The following TENM4 variants were observed in gnomAD, a reference collection of about 807,000 sequenced individuals.
TENM4 encodes teneurin-4.
A neutral mutation model predicts 243.3 loss-of-function variants in TENM4; 82 were observed. That is an observed-to-expected ratio of 0.34 (90% CI 0.28 to 0.40). The LOEUF (loss-of-function observed/expected upper bound fraction) is 0.40. Ranked by LOEUF, TENM4 falls within the 10% of genes least tolerant of loss-of-function variation. The probability of loss-of-function intolerance (pLI) is 1.00; values close to 1 mark genes in which losing one functional copy is unlikely to be tolerated. For missense variants in TENM4, 3,138 were observed against 3,673.3 expected, an observed-to-expected ratio of 0.85 and a Z score of 3.77; for synonymous variants, 1,412 against 1,456.3, an observed-to-expected ratio of 0.97 and a Z score of 0.69.
chr11:79,230,535 C>T (rs1347637233), intron 2 of TENM4, among the ~76,000 whole-genome samples: 1 of 152,174 alleles, frequency 6.6e-6, no homozygotes, highest in African/African-American at 2.4e-5. Context: ...AGCTTGGGAA[C>T]CATGGACAAC....
chr11:79,015,070 A>T (rs937773881), intron 6 of TENM4, among the ~76,000 whole-genome samples: 3 of 152,076 alleles, frequency 2.0e-5, no homozygotes, highest in African/African-American at 7.2e-5. Context: ...TAAATATCTC[A>T]TTAGGCCATT....
chr11:79,033,357 G>GA (rs1859295053), intron 6 of TENM4, among the ~76,000 whole-genome samples: 2 of 152,166 alleles, frequency 1.3e-5, no homozygotes, highest in African/African-American at 4.8e-5. Context: ...TGCTGGGAAG[G>GA]AAGAATTAAG....
rs1856662872 is a variant in TENM4 at position 78,772,387 on chromosome 11, A to G, written c.2393-1249T>C. 2.0e-5 allele frequency among the ~76,000 whole-genome samples: 3 copies of G among 152,112 alleles called. No individual in the cohort carries two copies. In the South Asian group the frequency reaches 6.2e-4, roughly 32 times the overall value. ...CTTCTCCAAGGGGCTATCAAAAACC[A>G]CCTGTCACTGGCAAGAGTTCCATCT... On this transcript the variant is annotated intron_variant, in intron 17 of 33. Transcript: ENST00000278550.
chr11:78,841,870 C>A (rs755542541), intron 12 of TENM4, among the ~76,000 whole-genome samples: 1 of 152,134 alleles, frequency 6.6e-6, no homozygotes, highest in Non-Finnish European at 1.5e-5. Context: ...GAAACTGCTC[C>A]CAATGAGGGC....
rs1249954273 is a variant in TENM4, at chr11:78,661,482, T to C, written c.7518A>G (p.Thr2506=). The change falls in exon 33 of 34, where the codon ACA becomes ACG. Residue 2506 remains threonine (T), a synonymous_variant. Transcript: ENST00000278550. ...TGTCCCACTCCTGCGTTTTCATCTG[T>C]GTGTGGATGAGCTCGTAGGAGGGTT... ...AMEPSYELIH[T]QMKTQEWDNS... 1 of 1,611,222 alleles carries C rather than the reference T, an allele frequency of 6.2e-7. No individual in the cohort carries two copies. Among genetic ancestry groups the C allele is most frequent in the Admixed American group, 1.7e-5 (1 of 59,682 alleles).
At chr11:78,770,835 T>G (rs549566164) in intron 18 of TENM4, among the ~76,000 whole-genome samples, 157 bp downstream of exon 18, 1 of 152,242 alleles carries the variant, frequency 6.6e-6, no homozygotes, top group Non-Finnish European at 1.5e-5. Flanking sequence ...TATGCACTCA[T>G]CCCTAAGCCA....
At chr11:78,922,873 T>C (rs536246537) in intron 6 of TENM4, among the ~76,000 whole-genome samples, 1 of 152,294 alleles carries the variant, frequency 6.6e-6, no homozygotes, top group South Asian at 2.1e-4. Flanking sequence ...GTGAGATGTA[T>C]GATGCTAGCC....
chr11:78,716,618 C>A (rs1859526709), intron 25 of TENM4, among the ~76,000 whole-genome samples: 1 of 152,172 alleles, frequency 6.6e-6, no homozygotes, highest in South Asian at 2.1e-4. Flanking sequence ...ATCAGAATGG[C>A]CTGGAGAGAT....
At chr11:79,218,169 T>A (rs1019587631) in intron 2 of TENM4, among the ~76,000 whole-genome samples, 1 of 152,174 alleles carries the variant, frequency 6.6e-6, no homozygotes, top group South Asian at 2.1e-4. Flanking sequence ...AAATAGGCAA[T>A]AATGGCTATT....
At chr11:79,306,214 C>G (rs571649906) in intron 1 of TENM4, among the ~76,000 whole-genome samples, 1 of 152,286 alleles carries the variant, frequency 6.6e-6, no homozygotes, top group African/African-American at 2.4e-5. Flanking sequence ...GGCACACGAG[C>G]TTTATGGTAA....
chr11:79,321,640 CAAAA>C (rs60886884), intron 1 of TENM4, among the ~76,000 whole-genome samples: 62 of 82,224 alleles, frequency 7.5e-4, no homozygotes, highest in African/African-American at 2.2e-3. Flanking sequence ...AGGAAATTAC[CAAAA>C]AAAAAAAAAA....
intron 3 of TENM4, among the ~76,000 whole-genome samples, chr11:79,187,030 A>G (rs1405508333): frequency 6.6e-6 from 1 of 152,236 alleles, no homozygotes; most frequent in Non-Finnish European, 1.5e-5. Context: ...AGATATTTGG[A>G]CATCCTCCTT....
Position 79,440,143 on chromosome 11 carries a change from G to A in TENM4, c.-321+366C>T, listed in dbSNP as rs1859370078. Among the ~76,000 whole-genome samples the A allele has an allele frequency of 6.6e-6, 1 of 152,126 alleles. No individual in the cohort carries two copies. The highest frequency in any genetic ancestry group is 6.5e-5 in the Admixed American group (1 of 15,292). ...GAGCTAGTCTGCAGAGGGGCTGCAG[G>A]CGACCGGGCCGGGGCGGGGAACGGG... On this transcript the variant is annotated intron_variant, in intron 1 of 33. Coordinates refer to ENST00000278550, the MANE Select transcript of TENM4 (RefSeq NM_001098816.3). The surrounding 1 kb of genome is among the most constrained non-coding windows in gnomAD (Gnocchi z 4.7).
intron 12 of TENM4, among the ~76,000 whole-genome samples, chr11:78,816,642 C>T (rs1020992639): frequency 1.3e-5 from 2 of 152,114 alleles, no homozygotes; most frequent in Non-Finnish European, 2.9e-5. Context: ...GTGACTTGCC[C>T]GAGGTCTCAG....
intron 1 of TENM4, among the ~76,000 whole-genome samples, chr11:79,423,746 CTT>C (rs945118653): frequency 8.6e-5 from 13 of 152,030 alleles, no homozygotes; most frequent in African/African-American, 2.2e-4. Flanking sequence ...AGAAGAGTCT[CTT>C]TGGTTGATTT....
chr11:79,409,149 T>G (rs1450584626), intron 1 of TENM4, among the ~76,000 whole-genome samples: 1 of 149,016 alleles, frequency 6.7e-6, no homozygotes, highest in Admixed American at 6.7e-5. Context: ...TGAGAGTTAG[T>G]GGTTTTAGAA....
rs115769397 is a variant in TENM4 at position 79,224,199 on chromosome 11, G to A, written c.-264-8290C>T. Among the ~76,000 whole-genome samples, 392 of 152,256 alleles carry A rather than the reference G, an allele frequency of 2.6e-3. 2 individuals are homozygous for A. The highest frequency in any genetic ancestry group is 8.8e-3 in the African/African-American group (365 of 41,552). On this transcript the variant is annotated intron_variant, in intron 2 of 33. Coordinates refer to ENST00000278550, the MANE Select transcript of TENM4 (RefSeq NM_001098816.3). ...TTAGAGGATGATTTGTACCCAGCAT[G>A]GACTGACTGATCTGACAGATTCATG...
At chr11:79,040,796 C>G (rs902094515) in intron 6 of TENM4, among the ~76,000 whole-genome samples, 1 of 152,146 alleles carries the variant, frequency 6.6e-6, no homozygotes, top group Non-Finnish European at 1.5e-5. Context: ...TAGAAACCCA[C>G]TGTGGGTATA....
intron 6 of TENM4, among the ~76,000 whole-genome samples, chr11:78,968,524 A>C (rs1003553484): frequency 6.6e-6 from 1 of 152,174 alleles, no homozygotes; most frequent in South Asian, 2.1e-4. Context: ...AAAGAAACTC[A>C]GCCTCAGGAG....
Sources: allele counts gnomAD v4.1 joint callset (sites outside exome capture counted in the v4.1 genomes callset), GRCh38; gene constraint gnomAD v4.1.1; non-coding constraint Gnocchi (gnomAD v3.1); transcripts MANE v1.5; gene names NCBI Gene and HGNC (gene_info 2026-07-23, HGNC 2026-07-21).